The following ERG variants were observed in gnomAD, a reference collection of about 807,000 sequenced individuals.
ERG encodes the protein transcriptional regulator ERG.
In ERG, 9 loss-of-function variants were observed where a neutral mutation model predicts 55.3. That is an observed-to-expected ratio of 0.16 (90% CI 0.10 to 0.28). The LOEUF is 0.28. ERG is among the 10% of genes least tolerant of loss of function. The pLI is 1.00. For missense variants in ERG, 434 were observed against 631.6 expected, an observed-to-expected ratio of 0.69 and a Z score of 3.35; for synonymous variants, 223 against 237.3, an observed-to-expected ratio of 0.94 and a Z score of 0.55.
In ERG at chr21:38,613,737, G is replaced by A. The variant is rs73440493; in HGVS notation, c.-149-28792C>T. ...CAGAGGGCCTGAAGTTGCTCCATTC[G>A]TCCTCATCACGATGGGTAAAGAAGG... On this transcript the variant is annotated intron_variant, in intron 1 of 10. Transcript: ENST00000398910. Among the ~76,000 whole-genome samples the A allele has an allele frequency of 4.0e-3, 614 of 152,282 alleles. 3 individuals are homozygous for A. The highest frequency in any genetic ancestry group is 5.9e-3 in the Non-Finnish European group (404 of 68,028).
intron 2 of ERG, among the ~76,000 whole-genome samples, chr21:38,514,752 A>T (rs1230159406): frequency 2.0e-5 from 3 of 152,026 alleles, no homozygotes; most frequent in African/African-American, 4.8e-5. Context: ...TAGTTAGTAA[A>T]GAAGGCAAGG....
chr21:38,526,450 T>C (rs1045942971), intron 2 of ERG, among the ~76,000 whole-genome samples: 2 of 152,226 alleles, frequency 1.3e-5, no homozygotes, highest in African/African-American at 2.4e-5. Context: ...TATTGTAGTC[T>C]ACACTATGTC....
chr21:38,565,353 TA>T (rs1568916796), intron 2 of ERG, among the ~76,000 whole-genome samples: 1 of 152,182 alleles, frequency 6.6e-6, no homozygotes, highest in Non-Finnish European at 1.5e-5. Flanking sequence ...AAGAAAGCTT[TA>T]AAAAATTCAA....
At chr21:38,484,098 A>T (rs2059261954) in intron 1 of ERG, among the ~76,000 whole-genome samples, 1 of 151,968 alleles carries the variant, frequency 6.6e-6, no homozygotes, top group Admixed American at 6.6e-5. Flanking sequence ...TTAACAACAC[A>T]CGTTTTGAGT....
intron 3 of ERG, among the ~76,000 whole-genome samples, chr21:38,419,730 A>G (rs1326765290): frequency 6.6e-6 from 1 of 151,482 alleles, no homozygotes; most frequent in South Asian, 2.1e-4. Context: ...CTTCAGGGAC[A>G]TTTTCTAGTT....
chr21:38,532,136 G>T (rs1428314315), intron 2 of ERG, among the ~76,000 whole-genome samples: 2 of 152,134 alleles, frequency 1.3e-5, no homozygotes, highest in Non-Finnish European at 2.9e-5. Context: ...TCAGCCAGAC[G>T]ATCCAAGGTA....
chr21:38,565,523 G>A (rs774405802), intron 2 of ERG, among the ~76,000 whole-genome samples: 22 of 152,056 alleles, frequency 1.4e-4, no homozygotes, highest in Non-Finnish European at 2.2e-4. Context: ...CTCCACGCCA[G>A]CCCCCAGTCT....
In ERG at chr21:38,627,709, A is replaced by G. The variant is rs62217498; in HGVS notation, c.-150+33949T>C. On this transcript the variant is annotated intron_variant, in intron 1 of 10. Coordinates refer to the ERG transcript ENST00000398910. ...GGAAATGAACTCTTAGCGTTCTGGT[A>G]GGAAACGAGTTTTGTCCCATGTTTT... Among the ~76,000 whole-genome samples the G allele has an allele frequency of 5.7e-3, 870 of 152,320 alleles. 2 individuals are homozygous for G. The highest frequency in any genetic ancestry group is 9.6e-3 in the Non-Finnish European group (656 of 68,018).
chr21:38,538,758 T>C (rs1284063692), intron 2 of ERG, among the ~76,000 whole-genome samples: 1 of 152,148 alleles, frequency 6.6e-6, no homozygotes, highest in Non-Finnish European at 1.5e-5. Flanking sequence ...GCTTGTTACC[T>C]GGAATTGAAA....
At chr21:38,490,077 G>A (rs1328479883) in intron 1 of ERG, among the ~76,000 whole-genome samples, 1 of 152,170 alleles carries the variant, frequency 6.6e-6, no homozygotes, top group Non-Finnish European at 1.5e-5. Flanking sequence ...GCATTTCCCA[G>A]CCCTGTTTTA....
In ERG at chr21:38,381,198, A is replaced by G; in HGVS notation, c.*2205T>C. 9.4e-7 allele frequency: 1 copy of G among 1,064,838 alleles called. No individual in the cohort carries two copies. The highest frequency in any genetic ancestry group is 1.1e-6 in the Non-Finnish European group (1 of 878,988). 66.0% of individuals were successfully genotyped at this position (1,064,838 alleles called of 1,614,324 possible). On this transcript the variant is annotated 3_prime_UTR_variant, in exon 10 of 10. Coordinates refer to ENST00000288319, the MANE Select transcript of ERG (RefSeq NM_182918.4). ...GGCAACTTCACATAATCATAGCAAAAGGACTGCAACGTGAAAAAAACAGGC... is the reference window on the plus strand; with the variant it reads ...GGCAACTTCACATAATCATAGCAAAGGGACTGCAACGTGAAAAAAACAGGC...
intron 2 of ERG, among the ~76,000 whole-genome samples, chr21:38,440,185 T>G (rs2058826973): frequency 6.6e-6 from 1 of 152,170 alleles, no homozygotes; most frequent in Non-Finnish European, 1.5e-5. Context: ...GGAGGGACAA[T>G]TAGAAGAAGC....
chr21:38,378,555 G>A (rs1256285239), downstream of ERG, among the ~76,000 whole-genome samples: 2 of 152,196 alleles, frequency 1.3e-5, no homozygotes, highest in Non-Finnish European at 2.9e-5. Flanking sequence ...ATCAATGGGT[G>A]ATAAGGGTAA....
At chr21:38,495,620 G>A (rs903616334) in intron 1 of ERG, among the ~76,000 whole-genome samples, 1 of 152,198 alleles carries the variant, frequency 6.6e-6, no homozygotes, top group African/African-American at 2.4e-5. Flanking sequence ...AAAGGTCCGG[G>A]GAGAGGACTG....
At chr21:38,379,360 TTCAATGAG>T (rs1389241357), downstream of ERG, among the ~76,000 whole-genome samples, 3 of 152,260 alleles carry the variant, frequency 2.0e-5, no homozygotes, top group Non-Finnish European at 4.4e-5. Flanking sequence ...GCTGTGCTTA[TTCAATGAG>T]TCATGAGTCA....
intron 1 of ERG, chr21:38,660,631 G>C (rs936046210): frequency 1.3e-5 from 2 of 152,006 alleles, no homozygotes; most frequent in Non-Finnish European, 2.9e-5. Context: ...GCGCCGAGCC[G>C]GGTCGCACTA....
chr21:38,430,688 C>T (rs1209462290), intron 2 of ERG, among the ~76,000 whole-genome samples: 2 of 152,188 alleles, frequency 1.3e-5, no homozygotes, highest in South Asian at 4.1e-4. Flanking sequence ...AAGAACTGAA[C>T]AATAGCCCAA....
chr21:38,635,380 G>T (rs1432921956), intron 1 of ERG, among the ~76,000 whole-genome samples: 2 of 152,036 alleles, frequency 1.3e-5, no homozygotes, highest in Non-Finnish European at 2.9e-5. Flanking sequence ...AGGTGATAAT[G>T]ATGTGCCAAC....
intron 2 of ERG, among the ~76,000 whole-genome samples, chr21:38,556,331 T>C (rs1349125130): frequency 6.6e-6 from 1 of 152,188 alleles, no homozygotes; most frequent in Non-Finnish European, 1.5e-5. Flanking sequence ...AATTATTATA[T>C]ATAATCTTTA....
Sources: allele counts gnomAD v4.1 joint callset (sites outside exome capture counted in the v4.1 genomes callset), GRCh38; gene constraint gnomAD v4.1.1; transcripts MANE v1.5; gene names NCBI Gene and HGNC (gene_info 2026-07-23, HGNC 2026-07-21).